PRSS38: variants seen among roughly 807,000 people sequenced by gnomAD.
The protein encoded by PRSS38 is marapsin 2.
A neutral mutation model predicts 26.8 loss-of-function variants in PRSS38; 22 were observed. That is an observed-to-expected ratio of 0.82 (90% CI 0.59 to 1.17). The LOEUF (loss-of-function observed/expected upper bound fraction) is 1.17. PRSS38 is among the 50% of genes most tolerant of loss of function. PRSS38 has a pLI of 0.00. For synonymous variants in PRSS38, 175 were observed against 172.1 expected, an observed-to-expected ratio of 1.02 and a Z score of -0.13; for missense variants, 427 against 422.7, an observed-to-expected ratio of 1.01 and a Z score of -0.09.
intron 4 of PRSS38, 82 bp from the exon 5 acceptor site, chr1:227,845,872 C>T: frequency 6.4e-7 from 1 of 1,555,422 alleles, no homozygotes; most frequent in Non-Finnish European, 8.7e-7. Flanking sequence ...GCACAGCCAC[C>T]CCCTTGCACC....
At chr1:227,822,048 T>G (rs1191476934) in intron 3 of PRSS38, among the ~76,000 whole-genome samples, 1 of 152,152 alleles carries the variant, frequency 6.6e-6, no homozygotes, top group Non-Finnish European at 1.5e-5. Context: ...ATCCTTAGAT[T>G]TTATAATCTG....
chr1:227,843,571 G>A (rs61038722), intron 3 of PRSS38, among the ~76,000 whole-genome samples: 3,712 of 151,860 alleles, frequency 0.024, 115 homozygotes, highest in East Asian at 0.07. Context: ...GTGTGGTGGC[G>A]CATGCCTGTA....
intron 3 of PRSS38, among the ~76,000 whole-genome samples, chr1:227,844,775 C>A (rs928030786): frequency 6.8e-6 from 1 of 147,832 alleles, no homozygotes; most frequent in Non-Finnish European, 1.5e-5. Flanking sequence ...TGGGGATCCT[C>A]CCTCTGAGTG....
Position 227,816,258 on chromosome 1 carries a change from C to T in PRSS38, c.311+6C>T, listed in dbSNP as rs192701794. Reference sequence around the variant, plus strand: ...GCTGCGCACTGCTTTCACAGGTAAGCGGGCGCCGGCCTGGGATGGTGTGGG... The same window carrying T: ...GCTGCGCACTGCTTTCACAGGTAAGTGGGCGCCGGCCTGGGATGGTGTGGG... On this transcript the variant is annotated splice_donor_region_variant and intron_variant, in intron 2 of 4. Coordinates refer to ENST00000366757, the Ensembl canonical transcript of PRSS38. This position sits in a 1 kb window ranked among gnomAD's most constrained non-coding sequence, Gnocchi z 5.1. 2.5e-3 allele frequency: 3,969 copies of T among 1,607,952 alleles called. 104 individuals carry two copies. In the Admixed American group the frequency reaches 0.044, roughly 18 times the overall value.
chr1:227,834,865 T>G (rs548962017), intron 3 of PRSS38, among the ~76,000 whole-genome samples: 78 of 152,234 alleles, frequency 5.1e-4, no homozygotes, highest in African/African-American at 1.8e-3. Context: ...TCATTGAAAT[T>G]AAAAACTTTT....
At position 227,845,991 on chromosome 1, in the gene PRSS38, G is replaced by A. The variant is rs147849633; in HGVS notation, c.764G>A (p.Arg255His). The A allele has an allele frequency of 5.9e-5, 96 of 1,614,170 alleles. No homozygotes were observed. The African/African-American group carries it at 7.3e-4, about 12-fold the overall frequency. ...GGCCCACTTGTCTGTGAATTCAACCGCAGCTGGTTGCAGATTGGAATTGTG... is the reference window on the plus strand; with the variant it reads ...GGCCCACTTGTCTGTGAATTCAACCACAGCTGGTTGCAGATTGGAATTGTG... Residue 255 changes from arginine (R) to histidine (H), a missense_variant, in exon 5 of 5, where the codon CGC becomes CAC. Arg to His is a conservative substitution (Grantham distance 29). Coordinates refer to ENST00000366757, the Ensembl canonical transcript of PRSS38.
chr1:227,845,812 A>G (rs1303235113), intron 4 of PRSS38, 142 bp from the exon 5 acceptor site: 8 of 1,297,260 alleles, frequency 6.2e-6, no homozygotes, highest in Non-Finnish European at 8.5e-6. Context: ...TGTTGCAGCC[A>G]GTAGGGAGGC....
At position 227,816,128 on chromosome 1, in the gene PRSS38, G is replaced by T. The variant is rs765433110; in HGVS notation, c.187G>T (p.Gly63Cys). Residue 63 changes from glycine (G) to cysteine (C), a missense_variant, in exon 2 of 5, where the codon GGC becomes TGC. Transcript: ENST00000366757. The surrounding 1 kb of genome is among the most constrained non-coding windows in gnomAD (Gnocchi z 5.1). ...CAGCATGGAGGGGAAAATCCTGGGCGGCGTCCCTGCGCCCGAGAGGAAGTG... is the reference window on the plus strand; with the variant it reads ...CAGCATGGAGGGGAAAATCCTGGGCTGCGTCCCTGCGCCCGAGAGGAAGTG... 1.2e-6 allele frequency: 2 copies of T among 1,613,636 alleles called. No individual in the cohort carries two copies. The highest frequency in any genetic ancestry group is 1.7e-5 in the Admixed American group (1 of 60,006).
exon 3 of PRSS38, chr1:227,817,347 C>T (rs745694236): frequency 6.8e-6 from 11 of 1,614,038 alleles, no homozygotes; most frequent in South Asian, 5.5e-5. Context: ...TCGGAGGTGA[C>T]GTGGCCCTGG....
chr1:227,828,067 T>C (rs955161487), intron 3 of PRSS38, among the ~76,000 whole-genome samples: 1 of 152,176 alleles, frequency 6.6e-6, no homozygotes. Flanking sequence ...GTTTATTATG[T>C]TTTCAGTTCT....
In PRSS38 at chr1:227,816,337, C is replaced by G; in HGVS notation, c.311+85C>G. 1 of 1,405,814 alleles carries G rather than the reference C, an allele frequency of 7.1e-7. No individual in the cohort carries two copies. Among genetic ancestry groups the G allele is most frequent in the South Asian group, 1.3e-5 (1 of 78,038 alleles). The allele number at this position is 1,405,814 out of a possible 1,614,324, so 87.1% of individuals were successfully genotyped here. A position where few individuals can be genotyped will look rare whatever the true frequency, so the allele number is the denominator to read the frequency against. The stretch of plus-strand genomic sequence containing the variant: ...CGGCTTGGATGGACCCCACGCAAGC[C>G]TCCCCCATCACCATTGTCGACTCCC... On this transcript the variant is annotated intron_variant, in intron 2 of 4. Coordinates refer to ENST00000366757, the Ensembl canonical transcript of PRSS38. The surrounding 1 kb of genome is among the most constrained non-coding windows in gnomAD (Gnocchi z 5.1).
chr1:227,830,082 A>C (rs1262327796), intron 3 of PRSS38, among the ~76,000 whole-genome samples: 1 of 152,086 alleles, frequency 6.6e-6, no homozygotes, highest in African/African-American at 2.4e-5. Context: ...TATGTTATTG[A>C]TATATTATAT....
chr1:227,819,275 C>G (rs574641260), intron 3 of PRSS38, among the ~76,000 whole-genome samples: 1 of 152,298 alleles, frequency 6.6e-6, no homozygotes, highest in East Asian at 1.9e-4. Flanking sequence ...TTTTTATACT[C>G]TAAGTTTGCT....
intron 3 of PRSS38, among the ~76,000 whole-genome samples, chr1:227,825,491 C>T (rs1485847215): frequency 6.6e-6 from 1 of 152,118 alleles, no homozygotes; most frequent in African/African-American, 2.4e-5. Flanking sequence ...CGTCTGGCCT[C>T]TAGGTTTTTT....
intron 3 of PRSS38, among the ~76,000 whole-genome samples, chr1:227,836,127 C>G (rs1350397830): frequency 2.6e-5 from 4 of 151,322 alleles, no homozygotes; most frequent in African/African-American, 9.7e-5. Context: ...GAGACAAGGT[C>G]TTGCTCTGTT....
In PRSS38 at chr1:227,816,375, G is replaced by C; in HGVS notation, c.311+123G>C. The C allele has an allele frequency of 9.3e-7, 1 of 1,080,724 alleles. No individual in the cohort carries two copies. The highest frequency in any genetic ancestry group is 1.3e-6 in the Non-Finnish European group (1 of 752,202). The allele number at this position is 1,080,724 out of a possible 1,614,324, so 66.9% of individuals were successfully genotyped here. On this transcript the variant is annotated intron_variant, in intron 2 of 4. Coordinates refer to ENST00000366757, the Ensembl canonical transcript of PRSS38. This position sits in a 1 kb window ranked among gnomAD's most constrained non-coding sequence, Gnocchi z 5.1. ...ATTGTCGACTCCCTTCACCACTGTC[G>C]ACCCGCGCAAGGCCAGGTCCCCACC...
intron 3 of PRSS38, among the ~76,000 whole-genome samples, chr1:227,834,297 C>A (rs1665205346): frequency 6.6e-6 from 1 of 152,098 alleles, no homozygotes; most frequent in African/African-American, 2.4e-5. Context: ...CCCTAGGAAA[C>A]AAATACAGAA....
At chr1:227,839,135 A>G (rs1665279221) in intron 3 of PRSS38, among the ~76,000 whole-genome samples, 1 of 152,136 alleles carries the variant, frequency 6.6e-6, no homozygotes, top group South Asian at 2.1e-4. Context: ...GTGTTGCCTG[A>G]ATGCTTTAAT....
chr1:227,816,106 C>T lies in PRSS38; in HGVS notation c.165C>T (p.Ser55=), dbSNP rs111521531. 5,814 of 1,613,136 alleles carry T rather than the reference C, an allele frequency of 3.6e-3. 191 individuals are homozygous for T. In the African/African-American group the frequency reaches 0.067, roughly 19 times the overall value. ...TCCCTGCAGCCTGTGGTCGGCCCAG[C>T]ATGGAGGGGAAAATCCTGGGCGGCG... The change falls in exon 2 of 5, where the codon AGC becomes AGT. Residue 55 remains serine (S), a synonymous_variant. Coordinates refer to ENST00000366757, the Ensembl canonical transcript of PRSS38. The surrounding 1 kb of genome is among the most constrained non-coding windows in gnomAD (Gnocchi z 5.1).
Sources: gnomAD v4.1 joint callset for allele counts (sites outside exome capture counted in the v4.1 genomes callset) on GRCh38, gnomAD v4.1.1 for gene constraint, Gnocchi (gnomAD v3.1) non-coding constraint, MANE v1.5 for transcripts, NCBI Gene and HGNC (gene_info 2026-07-23, HGNC 2026-07-21) for gene names.